Variants in CNBD1 observed in about 807,000 individuals in gnomAD.
The protein encoded by CNBD1 is cyclic nucleotide-binding domain-containing protein 1.
CNBD1 carries 71 observed loss-of-function variants against 54.4 expected under a neutral mutation model. The ratio of observed to expected loss-of-function variants is 1.30; its 90% CI spans 1.08 to 1.59. CNBD1 has a LOEUF of 1.59. Ranked by LOEUF, CNBD1 falls within the 40% of genes most tolerant of loss-of-function variation. CNBD1 has a pLI of 0.00. For missense variants in CNBD1, 659 were observed against 518.0 expected (o/e 1.27, Z -2.64); for synonymous variants, 182 against 170.7 (o/e 1.07, Z -0.51).
chr8:87,050,682 T>C (rs1408540442), intron 4 of CNBD1, among the ~76,000 whole-genome samples: 1 of 152,218 alleles, frequency 6.6e-6, no homozygotes, highest in African/African-American at 2.4e-5. Context: ...ATCCCTCAGA[T>C]ACTTGGGTTA....
At chr8:86,973,834 T>G (rs949363544) in intron 4 of CNBD1, among the ~76,000 whole-genome samples, 2 of 152,150 alleles carry the variant, frequency 1.3e-5, no homozygotes, top group African/African-American at 4.8e-5. Context: ...AAAAGAAAAT[T>G]TAATTATTGC....
At chr8:87,280,439 G>C (rs772239727) in intron 6 of CNBD1, among the ~76,000 whole-genome samples, 6 of 151,444 alleles carry the variant, frequency 4.0e-5, no homozygotes, top group Non-Finnish European at 7.4e-5. Flanking sequence ...AGTTCAAGAA[G>C]TTCATCTATT....
intron 4 of CNBD1, among the ~76,000 whole-genome samples, chr8:87,128,100 T>A (rs367981579): frequency 6.6e-6 from 1 of 152,136 alleles, no homozygotes; most frequent in Non-Finnish European, 1.5e-5. Flanking sequence ...TCCATTACAT[T>A]TCCAGCTCCC....
intron 2 of CNBD1, among the ~76,000 whole-genome samples, chr8:87,398,516 C>T (rs1286827725): frequency 1.3e-5 from 2 of 151,980 alleles, no homozygotes; most frequent in East Asian, 3.9e-4. Context: ...TTCTGGTGAT[C>T]CCTCTCAATT....
At chr8:86,973,297 A>G (rs1283419835) in intron 4 of CNBD1, among the ~76,000 whole-genome samples, 1 of 152,162 alleles carries the variant, frequency 6.6e-6, no homozygotes, top group Non-Finnish European at 1.5e-5. Flanking sequence ...CTGATACACT[A>G]GGTAAAAATT....
intron 4 of CNBD1, among the ~76,000 whole-genome samples, chr8:87,092,111 C>A (rs1194952771): frequency 2.0e-5 from 3 of 152,010 alleles, no homozygotes; most frequent in Non-Finnish European, 4.4e-5. Context: ...AAAGACATAG[C>A]AAGAGAAATA....
intron 6 of CNBD1, among the ~76,000 whole-genome samples, chr8:87,275,645 C>T (rs977221126): frequency 3.0e-4 from 45 of 151,668 alleles, no homozygotes; most frequent in Middle Eastern, 3.4e-3. Flanking sequence ...TGGAAGCATT[C>T]CCTTTGAAAA....
chr8:87,232,461 CT>C (rs1428568682), intron 5 of CNBD1, among the ~76,000 whole-genome samples: 1 of 152,124 alleles, frequency 6.6e-6, no homozygotes, highest in Non-Finnish European at 1.5e-5. Context: ...AAACTTTTGG[CT>C]ATTGCAGTCT....
intron 10 of CNBD1, among the ~76,000 whole-genome samples, chr8:87,364,413 T>C (rs1435834112): frequency 2.0e-5 from 3 of 151,950 alleles, no homozygotes; most frequent in Non-Finnish European, 4.4e-5. Context: ...GATAATTTTT[T>C]CTCTATCAAG....
chr8:87,356,408 G>A (rs944756914), intron 10 of CNBD1, among the ~76,000 whole-genome samples: 1 of 152,170 alleles, frequency 6.6e-6, no homozygotes, highest in Non-Finnish European at 1.5e-5. Context: ...AGATGGAAAT[G>A]AGGAATCTAT....
At chr8:87,114,100 A>T (rs1255248843) in intron 4 of CNBD1, among the ~76,000 whole-genome samples, 1 of 152,206 alleles carries the variant, frequency 6.6e-6, no homozygotes, top group East Asian at 1.9e-4. Context: ...AAAGTGAGCT[A>T]CTATTAGAAT....
intron 3 of CNBD1, among the ~76,000 whole-genome samples, chr8:86,935,967 C>T (rs1809539744): frequency 6.6e-6 from 1 of 151,848 alleles, no homozygotes; most frequent in African/African-American, 2.4e-5. Flanking sequence ...GCCAACATGG[C>T]AAAAACCATC....
At chr8:87,100,296 T>C (rs1203601261) in intron 4 of CNBD1, among the ~76,000 whole-genome samples, 14 of 152,308 alleles carry the variant, frequency 9.2e-5, no homozygotes, top group Admixed American at 3.9e-4. Context: ...TAAAATATTT[T>C]AAATATTTTA....
chr8:86,874,068 A>T (rs1054761871), intron 1 of CNBD1, among the ~76,000 whole-genome samples: 1 of 152,072 alleles, frequency 6.6e-6, no homozygotes, highest in African/African-American at 2.4e-5. Flanking sequence ...TCAAAATCTC[A>T]TGTTTTTCTG....
chr8:87,351,964 T>C (rs1226255561), intron 9 of CNBD1, among the ~76,000 whole-genome samples, 170 bp downstream of exon 9: 2 of 152,162 alleles, frequency 1.3e-5, no homozygotes, highest in Non-Finnish European at 2.9e-5. Flanking sequence ...GATATAAGAA[T>C]ATAAGTTGTA....
intron 4 of CNBD1, among the ~76,000 whole-genome samples, chr8:87,133,042 A>AG (rs1322310633): frequency 2.6e-5 from 4 of 151,770 alleles, no homozygotes; most frequent in Non-Finnish European, 2.9e-5. Flanking sequence ...TAATCCCTAA[A>AG]GGATGTATAT....
chr8:87,327,120 G>T (rs1249605083), intron 8 of CNBD1, among the ~76,000 whole-genome samples: 4 of 143,750 alleles, frequency 2.8e-5, no homozygotes, highest in Non-Finnish European at 4.6e-5. Flanking sequence ...CTGCTCGGGG[G>T]TCAGGGGTCA....
chr8:87,357,767 A>G (rs888278561), intron 10 of CNBD1, among the ~76,000 whole-genome samples: 1 of 152,154 alleles, frequency 6.6e-6, no homozygotes, highest in Non-Finnish European at 1.5e-5. Context: ...TGAGAAGGAC[A>G]TGAGATATGG....
At chr8:87,334,717 T>C (rs11532833) in intron 8 of CNBD1, among the ~76,000 whole-genome samples, 2 of 136,146 alleles carry the variant, frequency 1.5e-5, no homozygotes, top group Admixed American at 7.0e-5. Context: ...CTTTTCTTTT[T>C]TCTTTTCTTT....
Sources: allele counts gnomAD v4.1 joint callset (sites outside exome capture counted in the v4.1 genomes callset), GRCh38; gene constraint gnomAD v4.1.1; transcripts MANE v1.5; gene names NCBI Gene and HGNC (gene_info 2026-07-23, HGNC 2026-07-21).